The following ADAMTS17 variants were observed in gnomAD, a reference collection of about 807,000 sequenced individuals.
The protein encoded by ADAMTS17 is A disintegrin and metalloproteinase with thrombospondin motifs 17.
Under a neutral mutation model 141.5 loss-of-function variants are expected in ADAMTS17, and 113 were observed. The observed-to-expected ratio is 0.80, with a 90% CI of 0.69 to 0.93. ADAMTS17 has a LOEUF of 0.93. Ranked by LOEUF, ADAMTS17 falls within the 40% of genes least tolerant of loss-of-function variation. The pLI, the probability that ADAMTS17 is intolerant of heterozygous loss-of-function variation, is 0.00. For synonymous variants in ADAMTS17, 768 were observed against 630.6 expected (o/e 1.22, Z -3.27); for missense variants, 1,659 against 1,517.9 (o/e 1.09, Z -1.54).
intron 8 of ADAMTS17, among the ~76,000 whole-genome samples, chr15:100,166,175 A>C (rs74037531): frequency 0.021 from 3,193 of 152,184 alleles, 134 homozygotes; most frequent in East Asian, 0.18. Flanking sequence ...TGGGTATTTC[A>C]TATCTTTGGT....
At chr15:100,114,133 T>A (rs1390598422) in intron 13 of ADAMTS17, among the ~76,000 whole-genome samples, 1 of 150,826 alleles carries the variant, frequency 6.6e-6, no homozygotes, top group Non-Finnish European at 1.5e-5. Flanking sequence ...CCTTGGAAAA[T>A]CTACCTCTGC....
At chr15:100,236,608 C>T (rs2042663024) in intron 7 of ADAMTS17, among the ~76,000 whole-genome samples, 1 of 152,174 alleles carries the variant, frequency 6.6e-6, no homozygotes, top group Admixed American at 6.5e-5. Context: ...GAGGCTGAGA[C>T]AGGAGGATCA....
chr15:100,048,761 C>T, intron 18 of ADAMTS17, 96 bp downstream of exon 18: 1 of 1,554,972 alleles, frequency 6.4e-7, no homozygotes, highest in Non-Finnish European at 8.8e-7. Flanking sequence ...CAGCATAGAG[C>T]AGTACTGTGG....
intron 15 of ADAMTS17, among the ~76,000 whole-genome samples, chr15:100,092,936 T>C (rs1209792319): frequency 2.0e-5 from 3 of 152,138 alleles, no homozygotes; most frequent in Admixed American, 6.5e-5. Flanking sequence ...AAGATAATAT[T>C]GTTAAAATGG....
intron 8 of ADAMTS17, among the ~76,000 whole-genome samples, chr15:100,177,904 A>G (rs947749473): frequency 2.6e-5 from 4 of 152,178 alleles, no homozygotes; most frequent in Non-Finnish European, 5.9e-5. Context: ...TTATCATTAT[A>G]CAATGTCCCT....
rs74039168 is a variant in ADAMTS17 at position 100,280,292 on chromosome 15, T to C, written c.789+937A>G. 5.0e-3 allele frequency among the ~76,000 whole-genome samples: 756 copies of C among 152,100 alleles called. 8 individuals carry two copies. Among genetic ancestry groups the C allele is most frequent in the African/African-American group, 0.017 (718 of 41,486 alleles). On this transcript the variant is annotated intron_variant, in intron 4 of 21. Coordinates refer to ENST00000268070, the MANE Select transcript of ADAMTS17 (RefSeq NM_139057.4). The stretch of plus-strand genomic sequence containing the variant: ...TGGGTGTAGTAGCCTGGATTTCTCT[T>C]GCCTCCTCTTCCTGACTCTCCAACC...
At chr15:100,100,308 C>T (rs2036018762) in intron 14 of ADAMTS17, among the ~76,000 whole-genome samples, 1 of 152,178 alleles carries the variant, frequency 6.6e-6, no homozygotes, top group Non-Finnish European at 1.5e-5. Context: ...CCCGGGGCTC[C>T]CTGCTTTTTC....
intron 18 of ADAMTS17, among the ~76,000 whole-genome samples, chr15:100,045,599 T>C (rs527288360): frequency 6.6e-5 from 10 of 152,166 alleles, no homozygotes; most frequent in Non-Finnish European, 1.5e-5. Flanking sequence ...TTCCCAGAGA[T>C]TCTTGAGATA....
intron 11 of ADAMTS17, 117 bp downstream of exon 11, chr15:100,133,097 G>T: frequency 1.0e-6 from 1 of 1,001,784 alleles, no homozygotes. Flanking sequence ...TTTCTGTGCC[G>T]CCTGGGGGAT....
At chr15:100,297,415 A>G (rs967703239) in intron 3 of ADAMTS17, among the ~76,000 whole-genome samples, 20 of 152,142 alleles carry the variant, frequency 1.3e-4, no homozygotes, top group Non-Finnish European at 2.4e-4. Flanking sequence ...CACTGGTTGG[A>G]TAACTACTCC....
chr15:100,046,391 C>A (rs183179667), intron 18 of ADAMTS17, among the ~76,000 whole-genome samples: 1 of 152,108 alleles, frequency 6.6e-6, no homozygotes, highest in African/African-American at 2.4e-5. Flanking sequence ...TCTGCCACAT[C>A]GTGTGTGTGT....
intron 7 of ADAMTS17, among the ~76,000 whole-genome samples, chr15:100,240,055 T>G (rs4297664): frequency 6.6e-5 from 10 of 152,002 alleles, no homozygotes; most frequent in African/African-American, 1.9e-4. Flanking sequence ...TCAGTGAGCC[T>G]GCTCCACGTG....
chr15:100,053,131 A>G (rs1045320673), intron 16 of ADAMTS17, among the ~76,000 whole-genome samples: 3 of 152,342 alleles, frequency 2.0e-5, no homozygotes, highest in Middle Eastern at 3.4e-3. Context: ...AGCTGCCACA[A>G]ATCCTGTTTT....
At chr15:100,161,977 G>A (rs148167982) in intron 8 of ADAMTS17, among the ~76,000 whole-genome samples, 14 of 152,266 alleles carry the variant, frequency 9.2e-5, no homozygotes, top group African/African-American at 2.9e-4. Context: ...ACTGGGGGTC[G>A]CCATAGATTT....
At chr15:100,092,606 C>T (rs115809637) in intron 15 of ADAMTS17, among the ~76,000 whole-genome samples, 17 of 151,606 alleles carry the variant, frequency 1.1e-4, no homozygotes, top group East Asian at 3.9e-4. Context: ...AGTGAATTTC[C>T]GCCCCCACGA....
At chr15:100,110,705 CGA>C (rs913921888) in intron 13 of ADAMTS17, among the ~76,000 whole-genome samples, 1 of 152,146 alleles carries the variant, frequency 6.6e-6, no homozygotes, top group African/African-American at 2.4e-5. Context: ...TTGCACAGGG[CGA>C]GAGTCAAAGA....
intron 15 of ADAMTS17, among the ~76,000 whole-genome samples, chr15:100,089,303 T>G (rs1177952165): frequency 7.8e-6 from 1 of 127,778 alleles, no homozygotes; most frequent in Non-Finnish European, 1.5e-5. Context: ...CTCACACCAG[T>G]TAGAATGGCA....
intron 7 of ADAMTS17, among the ~76,000 whole-genome samples, chr15:100,239,553 A>T (rs932116686): frequency 2.6e-5 from 4 of 152,132 alleles, no homozygotes; most frequent in Admixed American, 1.3e-4. Context: ...AGAAGAGGCT[A>T]CCCTTTGTGG....
At chr15:100,205,560 T>A (rs901353092) in intron 7 of ADAMTS17, among the ~76,000 whole-genome samples, 4 of 152,144 alleles carry the variant, frequency 2.6e-5, no homozygotes, top group Non-Finnish European at 4.4e-5. Context: ...AATCACAGTG[T>A]GCCTCTCTTC....
Sources: gnomAD v4.1 joint callset for allele counts (sites outside exome capture counted in the v4.1 genomes callset) on GRCh38, gnomAD v4.1.1 for gene constraint, MANE v1.5 for transcripts, NCBI Gene and HGNC (gene_info 2026-07-23, HGNC 2026-07-21) for gene names.